The following WDR20 variants were observed in gnomAD, a reference collection of about 807,000 sequenced individuals.
The protein encoded by WDR20 is WD repeat-containing protein 20.
WDR20 carries 3 observed loss-of-function variants against 38.7 expected under a neutral mutation model. The observed-to-expected ratio is 0.08, with a 90% CI of 0.04 to 0.20. WDR20 has a LOEUF of 0.20. Ranked by LOEUF, WDR20 falls within the 10% of genes least tolerant of loss-of-function variation. The pLI is 1.00. For missense variants in WDR20, 559 were observed against 727.7 expected (o/e 0.77, Z 2.67); for synonymous variants, 298 against 285.6 (o/e 1.04, Z -0.44).
chr14:102,183,166 AG>A (rs1323519351), intron 1 of WDR20, among the ~76,000 whole-genome samples: 1 of 152,220 alleles, frequency 6.6e-6, no homozygotes, highest in Non-Finnish European at 1.5e-5. Flanking sequence ...GTGCCAAGTG[AG>A]TAGTTGCAGT....
chr14:102,142,774 C>CTTTTTTTT (rs71116885), intron 1 of WDR20, among the ~76,000 whole-genome samples: 4 of 85,036 alleles, frequency 4.7e-5, no homozygotes, highest in South Asian at 4.3e-4. Flanking sequence ...GCTGTTTTGA[C>CTTTTTTTT]TTTTTTTTTT....
At chr14:102,205,695 C>A (rs1235877059) in intron 2 of WDR20, among the ~76,000 whole-genome samples, 3 of 152,018 alleles carry the variant, frequency 2.0e-5, no homozygotes, top group African/African-American at 7.2e-5. Context: ...ACAGGGCGCC[C>A]CCAGAGAAGC....
Position 102,209,219 on chromosome 14 carries a change from C to G in WDR20, c.1049C>G (p.Ser350Cys). 6.2e-7 allele frequency: 1 copy of G among 1,614,188 alleles called. No individual in the cohort carries two copies. The highest frequency in any genetic ancestry group is 8.5e-7 in the Non-Finnish European group (1 of 1,180,040). ...AGAGATCGAGCAAATAGTACACAGT[C>G]CAGGCTCTCCAAACGGAACTCTACA... ...FGRDRANSTQSRLSKRNSTDS... is the reference protein window; with the variant it reads ...FGRDRANSTQCRLSKRNSTDS... The change falls in exon 3 of 3, where the codon TCC becomes TGC. Residue 350 changes from serine (S) to cysteine (C), a missense_variant. Coordinates refer to ENST00000342702, the MANE Select transcript of WDR20 (RefSeq NM_144574.4). The surrounding 1 kb of genome is among the most constrained non-coding windows in gnomAD (Gnocchi z 6.0).
At chr14:102,195,219 A>AT in intron 2 of WDR20, 99 bp downstream of exon 2, 2 of 1,362,952 alleles carry the variant, frequency 1.5e-6, no homozygotes, top group Non-Finnish European at 2.0e-6. Flanking sequence ...AGCTAAGCCC[A>AT]TTTTTTATTC....
intron 1 of WDR20, among the ~76,000 whole-genome samples, chr14:102,171,107 A>G (rs1016782081): frequency 2.0e-5 from 3 of 151,472 alleles, no homozygotes; most frequent in Admixed American, 6.6e-5. Context: ...ATGCGCCACC[A>G]TGCCTGGCTA....
upstream of WDR20, chr14:102,139,495 C>G: frequency 3.7e-6 from 5 of 1,359,860 alleles, no homozygotes; most frequent in Non-Finnish European, 4.9e-6. Flanking sequence ...GTCCCGGCGC[C>G]CCTCAGGGCA....
At chr14:102,196,904 C>G (rs1324955899) in intron 2 of WDR20, among the ~76,000 whole-genome samples, 2 of 152,218 alleles carry the variant, frequency 1.3e-5, no homozygotes, top group Non-Finnish European at 2.9e-5. Flanking sequence ...CAGCTTGAGG[C>G]TGAAATCGAT....
chr14:102,191,016 G>GAAA (rs1172705763), intron 1 of WDR20, among the ~76,000 whole-genome samples: 4 of 148,834 alleles, frequency 2.7e-5, no homozygotes, highest in African/African-American at 9.9e-5. Context: ...AAAAAAAAAA[G>GAAA]AAAAAAATTA....
rs973360847 is a variant in WDR20 at position 102,172,233 on chromosome 14, C to T, written c.250-22705C>T. Among the ~76,000 whole-genome samples the T allele has an allele frequency of 3.4e-5, 5 of 145,730 alleles. 1 individual carries two copies. Among genetic ancestry groups the T allele is most frequent in the Admixed American group, 2.7e-4 (4 of 14,784 alleles). On this transcript the variant is annotated intron_variant, in intron 1 of 2. Transcript: ENST00000342702. ...AGCACAGGGTTGGGGGGTAAGGTCACAGATCAACAGGATCCCAAGGCAGAA... is the reference window on the plus strand; with the variant it reads ...AGCACAGGGTTGGGGGGTAAGGTCATAGATCAACAGGATCCCAAGGCAGAA...
At chr14:102,162,573 T>C (rs916572752) in intron 1 of WDR20, among the ~76,000 whole-genome samples, 1 of 151,348 alleles carries the variant, frequency 6.6e-6, no homozygotes, top group African/African-American at 2.5e-5. Flanking sequence ...TTCTTTCTTT[T>C]TCTCTCTCTC....
chr14:102,209,064 C>A lies in WDR20; in HGVS notation c.894C>A (p.Ala298=), dbSNP rs186509334. 1.9e-6 allele frequency: 3 copies of A among 1,614,154 alleles called. No individual in the cohort carries two copies. The East Asian group carries it at 6.7e-5, about 36-fold the overall frequency. ...CCTTTGTAGACTGCCGAGTAATAGC[C>A]AGAGGCCACGGGCACAAGTCCTGGG... The part of the protein sequence containing the change: ...VWSFVDCRVI[A]RGHGHKSWVS... Residue 298 remains alanine (A), a synonymous_variant, in exon 3 of 3, where the codon GCC becomes GCA. Transcript: ENST00000342702. This position sits in a 1 kb window ranked among gnomAD's most constrained non-coding sequence, Gnocchi z 6.0.
downstream of WDR20, chr14:102,213,295 T>C (rs2062786813): frequency 1.9e-5 from 19 of 985,474 alleles, no homozygotes; most frequent in Non-Finnish European, 2.2e-5. Context: ...GCTTGCCTTC[T>C]TTTAAAAGCA....
At chr14:102,214,481 G>A, downstream of WDR20, 2 of 985,460 alleles carry the variant, frequency 2.0e-6, no homozygotes, top group Non-Finnish European at 1.2e-6. Flanking sequence ...CCAGTAGAGG[G>A]AGACTGTCTC....
At chr14:102,189,971 C>T (rs917959503) in intron 1 of WDR20, among the ~76,000 whole-genome samples, 6 of 152,172 alleles carry the variant, frequency 3.9e-5, no homozygotes, top group Non-Finnish European at 5.9e-5. Flanking sequence ...CGTGAACTGA[C>T]GGGCACGATT....
chr14:102,192,445 C>G (rs1485229486), intron 1 of WDR20, among the ~76,000 whole-genome samples: 1 of 152,174 alleles, frequency 6.6e-6, no homozygotes, highest in East Asian at 1.9e-4. Flanking sequence ...TCCCAAAGTG[C>G]TGGGATTACA....
At chr14:102,216,096 C>A (rs982166154), downstream of WDR20, among the ~76,000 whole-genome samples, 5 of 152,218 alleles carry the variant, frequency 3.3e-5, no homozygotes, top group African/African-American at 1.2e-4. Context: ...CCAGCACGTT[C>A]ATCGGGTGGG....
intron 1 of WDR20, among the ~76,000 whole-genome samples, chr14:102,187,469 T>C (rs2065139832): frequency 6.6e-6 from 1 of 151,910 alleles, no homozygotes; most frequent in South Asian, 2.1e-4. Flanking sequence ...ATAGGGGACT[T>C]TTTTTGGGTG....
chr14:102,153,818 C>T (rs996277757), intron 1 of WDR20, among the ~76,000 whole-genome samples: 34 of 152,210 alleles, frequency 2.2e-4, no homozygotes, highest in African/African-American at 8.2e-4. Context: ...TGAAATGTCA[C>T]CATCCATCAG....
intron 1 of WDR20, among the ~76,000 whole-genome samples, chr14:102,153,061 G>C (rs1355199085): frequency 6.6e-6 from 1 of 152,228 alleles, no homozygotes; most frequent in African/African-American, 2.4e-5. Context: ...GAATGGTTTA[G>C]CACCATCTAC....
Sources: gnomAD v4.1 joint callset for allele counts (sites outside exome capture counted in the v4.1 genomes callset) on GRCh38, gnomAD v4.1.1 for gene constraint, Gnocchi (gnomAD v3.1) non-coding constraint, MANE v1.5 for transcripts, NCBI Gene and HGNC (gene_info 2026-07-23, HGNC 2026-07-21) for gene names.